Variants in GOLGA8A observed in about 807,000 individuals in gnomAD.
GOLGA8A encodes the protein golgin subfamily A member 8A.
In GOLGA8A, 3 loss-of-function variants were observed where a neutral mutation model predicts 22.1. That is an observed-to-expected ratio of 0.14 (90% CI 0.06 to 0.35). The LOEUF (loss-of-function observed/expected upper bound fraction) is 0.35, where lower values mean the gene tolerates loss of function less well. GOLGA8A is among the 10% of genes least tolerant of loss of function. The pLI, the probability that GOLGA8A is intolerant of heterozygous loss-of-function variation, is 1.00. For synonymous variants in GOLGA8A, 7 were observed against 91.7 expected (o/e 0.08, Z 5.28); for missense variants, 16 against 233.2 (o/e 0.07, Z 6.07).
At chr15:34,432,592 C>T (rs1413893912) in intron 2 of GOLGA8A, among the ~76,000 whole-genome samples, 5 of 149,174 alleles carry the variant, frequency 3.4e-5, no homozygotes, top group East Asian at 2.0e-4. Flanking sequence ...CAGAATTGCC[C>T]GATGATGTGT....
intron 16 of GOLGA8A, among the ~76,000 whole-genome samples, chr15:34,384,662 T>TACAC (rs137863515): frequency 1.5e-3 from 4 of 2,620 alleles, no homozygotes; most frequent in South Asian, 5.1e-3. Context: ...TCATACTATG[T>TACAC]ACACACACAC....
chr15:34,427,693 G>A (rs1204996412), intron 2 of GOLGA8A, among the ~76,000 whole-genome samples: 2 of 148,552 alleles, frequency 1.3e-5, no homozygotes, highest in Non-Finnish European at 3.0e-5. Context: ...AGTCCTAGGC[G>A]GTTGAGGAAC....
intron 2 of GOLGA8A, among the ~76,000 whole-genome samples, chr15:34,432,535 G>T (rs140674492): frequency 1.3e-5 from 2 of 148,872 alleles, no homozygotes; most frequent in African/African-American, 2.5e-5. Context: ...TAGATTTGTC[G>T]GGAAATTATT....
chr15:34,432,383 C>G (rs1971525), intron 2 of GOLGA8A, among the ~76,000 whole-genome samples: 13,872 of 148,396 alleles, frequency 0.093, 1,679 homozygotes, highest in South Asian at 0.25. Flanking sequence ...GAGACAGGGA[C>G]AGAACACGGA....
intron 2 of GOLGA8A, among the ~76,000 whole-genome samples, chr15:34,409,038 G>GCTCCCACCTCTCTCTCCC (rs1342549040): frequency 2.6e-5 from 3 of 116,414 alleles, no homozygotes; most frequent in Admixed American, 2.5e-4. Flanking sequence ...GGCCCCCTCT[G>GCTCCCACCTCTCTCTCCC]CTCCCACCTC....
At position 34,421,362 on chromosome 15, in the gene GOLGA8A, C is replaced by CCG. The variant is rs1892790955; in HGVS notation, c.-1122-13628_-1122-13627insCG. ...AATAAAACCCATCCCATTAGGAACACTGTCATTGCAGCCCATCTCCAGCAC... is the reference window on the plus strand; with the variant it reads ...AATAAAACCCATCCCATTAGGAACACCGTGTCATTGCAGCCCATCTCCAGCAC... On this transcript the variant is annotated intron_variant, in intron 2 of 24. Transcript: ENST00000359187. Among the ~76,000 whole-genome samples the CCG allele has an allele frequency of 2.0e-3, 276 of 137,678 alleles. 20 individuals carry two copies. Among genetic ancestry groups the CCG allele is most frequent in the African/African-American group, 6.8e-3 (260 of 38,186 alleles). The allele number at this position is 137,678 out of a possible 152,430, so 90.3% of individuals were successfully genotyped here.
intron 2 of GOLGA8A, among the ~76,000 whole-genome samples, chr15:34,432,431 C>A (rs1893299666): frequency 6.7e-6 from 1 of 149,114 alleles, no homozygotes; most frequent in African/African-American, 2.5e-5. Flanking sequence ...AAGGCCAGCA[C>A]TGCCCCATCA....
At chr15:34,423,730 GCA>G (rs1892871795) in intron 2 of GOLGA8A, among the ~76,000 whole-genome samples, 1 of 149,090 alleles carries the variant, frequency 6.7e-6, no homozygotes, top group South Asian at 2.2e-4. Context: ...GCACCTCCTG[GCA>G]CAGTCAGGGT....
rs1310065456 is a variant in GOLGA8A at position 34,437,232 on chromosome 15, C to T, written c.-1212+166G>A. On this transcript the variant is annotated intron_variant, in intron 1 of 24. Coordinates refer to ENST00000359187, the MANE Select transcript of GOLGA8A (RefSeq NM_181077.5). ...GCCGCCGGGCTGCACCCCTAGATCC[C>T]AGCGGCGGCCTCCCCGCAGCCCCGC... Among the ~76,000 whole-genome samples, 77 of 146,628 alleles carry T rather than the reference C, an allele frequency of 5.3e-4. 4 individuals carry two copies. Among genetic ancestry groups the T allele is most frequent in the African/African-American group, 1.9e-3 (74 of 39,826 alleles).
At position 34,435,760 on chromosome 15, in the gene GOLGA8A, C is replaced by T. The variant is rs576425250; in HGVS notation, c.-1211-289G>A. 3.4e-5 allele frequency among the ~76,000 whole-genome samples: 5 copies of T among 149,102 alleles called. No homozygotes were observed. The East Asian group carries it at 5.9e-4, about 18-fold the overall frequency. ...AAATGAGAGGGAAGACTTCGTGCCC[C>T]ATTGCTACTGCCATCACCCAGTCCC... On this transcript the variant is annotated intron_variant, in intron 1 of 24. Coordinates refer to ENST00000359187, the MANE Select transcript of GOLGA8A (RefSeq NM_181077.5).
intron 2 of GOLGA8A, among the ~76,000 whole-genome samples, chr15:34,412,383 CCCATGGGTGGCCCACCGGGTCTGCT>C: frequency 7.1e-6 from 1 of 141,670 alleles, no homozygotes; most frequent in South Asian, 2.5e-4. Context: ...CTGGGTCTGC[CCCATGGGTGGCCCACCGGGTCTGCT>C]CTGGGTGCAG....
intron 2 of GOLGA8A, among the ~76,000 whole-genome samples, chr15:34,421,484 G>C (rs576793368): frequency 7.2e-6 from 1 of 139,284 alleles, no homozygotes; most frequent in South Asian, 2.7e-4. Flanking sequence ...TGACGCACAC[G>C]GGCTGATATT....
At chr15:34,427,022 A>G (rs1852747751) in intron 2 of GOLGA8A, among the ~76,000 whole-genome samples, 1 of 147,564 alleles carries the variant, frequency 6.8e-6, no homozygotes, top group African/African-American at 2.5e-5. Context: ...AACAAAATAG[A>G]CAAGCACTTT....
chr15:34,433,300 C>A (rs1398569721), intron 2 of GOLGA8A, among the ~76,000 whole-genome samples: 2 of 149,054 alleles, frequency 1.3e-5, no homozygotes, highest in Non-Finnish European at 3.0e-5. Context: ...GGAAGGGAAT[C>A]TGGGCGTGGG....
At chr15:34,427,411 T>C (rs1893032699) in intron 2 of GOLGA8A, among the ~76,000 whole-genome samples, 1 of 148,840 alleles carries the variant, frequency 6.7e-6, no homozygotes, top group African/African-American at 2.5e-5. Context: ...GAGTCCGTTT[T>C]TTCTGAAAAC....
At chr15:34,397,490 GTC>G (rs2140224213) in intron 8 of GOLGA8A, among the ~76,000 whole-genome samples, 1 of 148,714 alleles carries the variant, frequency 6.7e-6, no homozygotes, top group South Asian at 2.1e-4. Context: ...AAAACCTACA[GTC>G]TTTGGGAAAC....
At chr15:34,434,713 C>G (rs1893417927) in intron 2 of GOLGA8A, among the ~76,000 whole-genome samples, 1 of 149,444 alleles carries the variant, frequency 6.7e-6, no homozygotes, top group Admixed American at 6.7e-5. Flanking sequence ...GATGGGCACA[C>G]AGGCTGCCTC....
At chr15:34,434,231 A>G (rs79100657) in intron 2 of GOLGA8A, among the ~76,000 whole-genome samples, 4 of 149,278 alleles carry the variant, frequency 2.7e-5, no homozygotes, top group Admixed American at 6.8e-5. Context: ...GCCGAGACAC[A>G]TGGATGTGGA....
At chr15:34,392,480 GTCTT>G (rs138433448) in intron 8 of GOLGA8A, among the ~76,000 whole-genome samples, 22,652 of 37,050 alleles carry the variant, frequency 0.61, 4,906 homozygotes, top group East Asian at 0.81. Context: ...TTGCTAAAAT[GTCTT>G]TCTAAGTCCC....
Sources: allele counts gnomAD v4.1 joint callset (sites outside exome capture counted in the v4.1 genomes callset), GRCh38; gene constraint gnomAD v4.1.1; transcripts MANE v1.5; gene names NCBI Gene and HGNC (gene_info 2026-07-23, HGNC 2026-07-21).